The following RBFOX1 variants were observed in gnomAD, a reference collection of about 807,000 sequenced individuals.
RBFOX1 encodes the protein RNA binding protein fox-1 homolog 1.
A neutral mutation model predicts 57.7 loss-of-function variants in RBFOX1; 8 were observed. The observed-to-expected ratio is 0.14, with a 90% CI of 0.08 to 0.25. The LOEUF is 0.25. RBFOX1 is among the 10% of genes least tolerant of loss of function. RBFOX1 has a pLI of 1.00. For missense variants in RBFOX1, 611 were observed against 548.5 expected (o/e 1.11, Z -1.14); for synonymous variants, 326 against 222.4 (o/e 1.47, Z -4.15).
At chr16:5,428,810 TGGG>T (rs1159436867) in intron 1 of RBFOX1, among the ~76,000 whole-genome samples, 3 of 152,182 alleles carry the variant, frequency 2.0e-5, no homozygotes, top group African/African-American at 4.8e-5. Context: ...ATGATTTTTT[TGGG>T]GACTGTAGCT....
chr16:6,430,815 T>A (rs1003067534), intron 2 of RBFOX1, among the ~76,000 whole-genome samples: 53 of 151,906 alleles, frequency 3.5e-4, no homozygotes, highest in African/African-American at 1.2e-3. Context: ...GGATACAAGA[T>A]TAAAGGCAGG....
Position 7,326,385 on chromosome 16 carries a change from A to ATG in RBFOX1, c.28-191760_28-191759dup, listed in dbSNP as rs1397060032. On this transcript the variant is annotated intron_variant, in intron 4 of 15. Coordinates refer to ENST00000550418, the MANE Select transcript of RBFOX1 (RefSeq NM_018723.4). ...ATATGACTGCTTGTGGAAGGATGGG[A>ATG]TGTATATATAAGCAGTTTTACTGGG... is the stretch of plus-strand genomic sequence containing the variant. Among the ~76,000 whole-genome samples, 3 of 152,202 alleles carry ATG rather than the reference A, an allele frequency of 2.0e-5. No homozygotes were observed. In the South Asian group the frequency reaches 6.2e-4, roughly 32 times the overall value.
At chr16:6,830,186 G>A (rs1342346498) in intron 3 of RBFOX1, among the ~76,000 whole-genome samples, 1 of 152,122 alleles carries the variant, frequency 6.6e-6, no homozygotes, top group African/African-American at 2.4e-5. Flanking sequence ...CAAAGTGCTG[G>A]GATTACAGGT....
At chr16:5,826,768 C>G (rs1429614080) in intron 3 of RBFOX1, among the ~76,000 whole-genome samples, 1 of 152,180 alleles carries the variant, frequency 6.6e-6, no homozygotes, top group African/African-American at 2.4e-5. Context: ...TGTATTTTAA[C>G]ACAAGTTCCT....
At chr16:6,494,748 G>A (rs2095718005) in intron 2 of RBFOX1, among the ~76,000 whole-genome samples, 1 of 152,176 alleles carries the variant, frequency 6.6e-6, no homozygotes, top group African/African-American at 2.4e-5. Flanking sequence ...ACATCAATAT[G>A]TTGCACCCAT....
At chr16:6,501,247 T>G (rs1044756030) in intron 2 of RBFOX1, among the ~76,000 whole-genome samples, 16 of 150,336 alleles carry the variant, frequency 1.1e-4, no homozygotes, top group African/African-American at 3.4e-4. Context: ...CCATCAACTC[T>G]TCATTTAGCA....
chr16:5,466,201 A>G (rs2068948418), intron 1 of RBFOX1, among the ~76,000 whole-genome samples: 1 of 152,242 alleles, frequency 6.6e-6, no homozygotes, highest in African/African-American at 2.4e-5. Context: ...TCTTGGCTTG[A>G]AGAGTGATGT....
chr16:7,052,824 ATGAAT>A (rs2050575177), intron 4 of RBFOX1, among the ~76,000 whole-genome samples: 1 of 152,172 alleles, frequency 6.6e-6, no homozygotes, highest in Non-Finnish European at 1.5e-5. Flanking sequence ...TTTCTTCTAA[ATGAAT>A]TCGTGTTTTC....
intron 2 of RBFOX1, among the ~76,000 whole-genome samples, chr16:6,384,028 T>C (rs533038750): frequency 6.6e-6 from 1 of 151,698 alleles, no homozygotes; most frequent in African/African-American, 2.4e-5. Context: ...TGTTTCTGTT[T>C]CACCACCATT....
chr16:5,854,636 G>A (rs1001726259), intron 3 of RBFOX1, among the ~76,000 whole-genome samples: 1 of 151,886 alleles, frequency 6.6e-6, no homozygotes, highest in Non-Finnish European at 1.5e-5. Flanking sequence ...TCGTTCATCT[G>A]TTAGTGGAGA....
chr16:7,156,461 A>G (rs1245741922), intron 4 of RBFOX1, among the ~76,000 whole-genome samples: 1 of 152,092 alleles, frequency 6.6e-6, no homozygotes, highest in Non-Finnish European at 1.5e-5. Context: ...GTGTACATAT[A>G]CATGCACATA....
At chr16:6,819,900 A>G (rs1355879361) in intron 3 of RBFOX1, among the ~76,000 whole-genome samples, 2 of 152,090 alleles carry the variant, frequency 1.3e-5, no homozygotes, top group Non-Finnish European at 1.5e-5. Context: ...TACCTTACAG[A>G]GCTCTGCACA....
At chr16:6,538,449 G>T (rs2096764958) in intron 2 of RBFOX1, among the ~76,000 whole-genome samples, 1 of 152,088 alleles carries the variant, frequency 6.6e-6, no homozygotes, top group South Asian at 2.1e-4. Context: ...TGGTGATTGC[G>T]CTACTGCACT....
At chr16:6,688,832 C>G (rs1247014847) in intron 3 of RBFOX1, among the ~76,000 whole-genome samples, 1 of 152,144 alleles carries the variant, frequency 6.6e-6, no homozygotes, top group African/African-American at 2.4e-5. Context: ...GTTCTCCTCC[C>G]TGTGTCCATG....
chr16:7,010,704 C>T (rs2093614028), intron 3 of RBFOX1, among the ~76,000 whole-genome samples: 1 of 152,064 alleles, frequency 6.6e-6, no homozygotes, highest in Non-Finnish European at 1.5e-5. Flanking sequence ...GCTGGGATTA[C>T]ACTTGCATGC....
chr16:7,387,722 A>G (rs74012525), intron 4 of RBFOX1, among the ~76,000 whole-genome samples: 2,302 of 152,276 alleles, frequency 0.015, 60 homozygotes, highest in African/African-American at 0.053. Context: ...ATCATGGTAC[A>G]CATCCTGCGT....
intron 4 of RBFOX1, among the ~76,000 whole-genome samples, chr16:5,894,304 A>G (rs1303279332): frequency 6.6e-6 from 1 of 152,116 alleles, no homozygotes; most frequent in Non-Finnish European, 1.5e-5. Context: ...TTTGTATGAG[A>G]TGGAGTGTTG....
chr16:6,697,620 A>T (rs1340761586), intron 3 of RBFOX1, among the ~76,000 whole-genome samples: 1 of 152,206 alleles, frequency 6.6e-6, no homozygotes, highest in Non-Finnish European at 1.5e-5. Context: ...TGGAATGATG[A>T]TGTGGGAGCA....
intron 2 of RBFOX1, among the ~76,000 whole-genome samples, chr16:6,334,804 T>C (rs2083436488): frequency 6.6e-6 from 1 of 152,020 alleles, no homozygotes; most frequent in African/African-American, 2.4e-5. Context: ...GAAGGGGAGG[T>C]GGCAGGTAAC....
Sources: gnomAD v4.1 joint callset for allele counts (sites outside exome capture counted in the v4.1 genomes callset) on GRCh38, gnomAD v4.1.1 for gene constraint, MANE v1.5 for transcripts, NCBI Gene and HGNC (gene_info 2026-07-23, HGNC 2026-07-21) for gene names.